Variants in EPHX2 observed in about 807,000 individuals in gnomAD.
The protein encoded by EPHX2 is bifunctional epoxide hydrolase 2.
Under a neutral mutation model 78.7 loss-of-function variants are expected in EPHX2, and 74 were observed. That is an observed-to-expected ratio of 0.94 (90% confidence interval 0.78 to 1.14). EPHX2 has a LOEUF of 1.14. Among genes scored for constraint, EPHX2 ranks in the 50% most tolerant of loss-of-function variants. EPHX2 has a pLI of 0.00. For synonymous variants in EPHX2, 251 were observed against 255.2 expected (o/e 0.98, Z 0.16); for missense variants, 715 against 702.5 (o/e 1.02, Z -0.20).
At chr8:27,537,035 G>A (rs1325902428) in intron 13 of EPHX2, among the ~76,000 whole-genome samples, 180 bp downstream of exon 13, 1 of 152,118 alleles carries the variant, frequency 6.6e-6, no homozygotes, top group African/African-American at 2.4e-5. Context: ...GACACACAAG[G>A]TCAGAGAATG....
chr8:27,521,022 G>A, intron 10 of EPHX2, 113 bp downstream of exon 10: 1 of 1,199,942 alleles, frequency 8.3e-7, no homozygotes, highest in Non-Finnish European at 1.2e-6. Context: ...GCCCATTTTG[G>A]GGCAGTTTAG....
intron 10 of EPHX2, among the ~76,000 whole-genome samples, chr8:27,521,799 GGTCAGTGTGGA>G (rs1814657026): frequency 6.6e-6 from 1 of 152,174 alleles, no homozygotes; most frequent in Non-Finnish European, 1.5e-5. Flanking sequence ...CTGCCAGTGG[GGTCAGTGTGGA>G]GCGAGGTGTG....
intron 8 of EPHX2, among the ~76,000 whole-genome samples, chr8:27,517,126 T>C (rs770034843): frequency 1.3e-5 from 2 of 152,094 alleles, no homozygotes; most frequent in Non-Finnish European, 1.5e-5. Flanking sequence ...GCTGGATACA[T>C]TTATCTTTCA....
rs1215684790 is a variant in EPHX2, at chr8:27,500,922, C to T, written c.102-4C>T. The T allele has an allele frequency of 1.2e-6, 2 of 1,612,140 alleles. No individual in the cohort carries two copies. The highest frequency in any genetic ancestry group is 1.7e-6 in the Non-Finnish European group (2 of 1,179,132). ...ATGTTCCTGATGTTCTTTGTGTTTT[C>T]CAGAGGACTTCTGAATGATGCTTTC... On this transcript the variant is annotated splice_polypyrimidine_tract_variant and splice_region_variant and intron_variant, in intron 1 of 18. Coordinates refer to ENST00000521400, the MANE Select transcript of EPHX2 (RefSeq NM_001979.6).
At position 27,510,165 on chromosome 8, in the gene EPHX2, A is replaced by T. The variant is rs183938384; in HGVS notation, c.661-1671A>T. 2.0e-5 allele frequency among the ~76,000 whole-genome samples: 3 copies of T among 152,312 alleles called. No individual in the cohort carries two copies. The East Asian group carries it at 5.8e-4, about 29-fold the overall frequency. ...TAGTTATAAAGGAGGTAGATTTCTT[A>T]GCTTACGTCCCCATTTTAGAGGTCA... On this transcript the variant is annotated intron_variant, in intron 5 of 18. Transcript: ENST00000521400.
chr8:27,540,099 C>T (rs1815347839), intron 14 of EPHX2, among the ~76,000 whole-genome samples: 1 of 152,302 alleles, frequency 6.6e-6, no homozygotes, highest in African/African-American at 2.4e-5. Context: ...GCCACCTGGC[C>T]TGGGTTCTCT....
At chr8:27,495,762 T>A (rs1387759238) in intron 1 of EPHX2, among the ~76,000 whole-genome samples, 7 of 152,254 alleles carry the variant, frequency 4.6e-5, no homozygotes, top group Admixed American at 3.9e-4. Flanking sequence ...TACTTAGGTA[T>A]GCCACTGGTT....
intron 1 of EPHX2, among the ~76,000 whole-genome samples, chr8:27,494,041 T>G (rs1003735309): frequency 6.6e-6 from 1 of 152,124 alleles, no homozygotes; most frequent in Non-Finnish European, 1.5e-5. Context: ...GGGAGTATGT[T>G]TGCCATTACA....
At chr8:27,507,638 C>T (rs1814064065) in intron 5 of EPHX2, among the ~76,000 whole-genome samples, 1 of 152,230 alleles carries the variant, frequency 6.6e-6, no homozygotes, top group African/African-American at 2.4e-5. Context: ...GAGGCTGCCA[C>T]ATGTCCAAGG....
rs1814616167 is a variant in EPHX2 at position 27,520,745 on chromosome 8, A to C, written c.946-138A>C. 5.0e-6 allele frequency: 5 copies of C among 998,228 alleles called. No individual in the cohort carries two copies. The South Asian group carries it at 6.7e-5, about 13-fold the overall frequency. 61.8% of individuals were successfully genotyped at this position (998,228 alleles called of 1,614,324 possible). On this transcript the variant is annotated intron_variant, in intron 9 of 18. Transcript: ENST00000521400. ...CATCTCCTTAAAGGCTGTATCTTCA[A>C]AAACAGTCCCATTCTGAGGCCCTGG...
chr8:27,511,938 T>C (rs1167404230), intron 6 of EPHX2, 28 bp downstream of exon 6: 4 of 1,610,470 alleles, frequency 2.5e-6, no homozygotes, highest in Admixed American at 1.7e-5. Flanking sequence ...CTCAGTCGGC[T>C]AAGTGCTCTC....
At chr8:27,544,099 A>G (rs1417132287) in intron 17 of EPHX2, 87 bp from the exon 18 acceptor site, 12 of 1,487,646 alleles carry the variant, frequency 8.1e-6, no homozygotes, top group Non-Finnish European at 1.1e-5. Context: ...GGGAGCAGAG[A>G]GAAGGCGTCC....
At chr8:27,541,634 G>T in intron 16 of EPHX2, 92 bp downstream of exon 16, 1 of 1,380,716 alleles carries the variant, frequency 7.2e-7, no homozygotes, top group Non-Finnish European at 1.0e-6. Flanking sequence ...CTGGGCCAGA[G>T]CTGGTTGTGG....
chr8:27,522,317 C>T lies in EPHX2; in HGVS notation c.973-106C>T, dbSNP rs567803136. 4.7e-5 allele frequency: 46 copies of T among 985,290 alleles called. 1 individual carries two copies. In the Middle Eastern group the frequency reaches 1.3e-3, roughly 27 times the overall value. The allele number at this position is 985,290 out of a possible 1,614,324, so 61.0% of individuals were successfully genotyped here. A position where few individuals can be genotyped will look rare whatever the true frequency, so the allele number is the denominator to read the frequency against. On this transcript the variant is annotated intron_variant, in intron 10 of 18. Coordinates refer to ENST00000521400, the MANE Select transcript of EPHX2 (RefSeq NM_001979.6). The stretch of plus-strand genomic sequence containing the variant: ...GGGCATTTGGAGAGCTGCTGTGGGT[C>T]GGGGGAGGAGACCCTGGTGTCGAGG...
intron 11 of EPHX2, among the ~76,000 whole-genome samples, chr8:27,525,107 T>TGTGTGTGTGTGTGC (rs1491544464): frequency 9.7e-6 from 1 of 103,456 alleles, no homozygotes; most frequent in African/African-American, 3.6e-5. Flanking sequence ...TGTGTGTGTG[T>TGTGTGTGTGTGTGC]GCGCGCGCGC....
chr8:27,501,404 CTTCT>C (rs1813797328), intron 2 of EPHX2, among the ~76,000 whole-genome samples: 1 of 119,472 alleles, frequency 8.4e-6, no homozygotes, highest in Admixed American at 8.7e-5. Context: ...TTTCTTCTTT[CTTCT>C]TTCTTCTTTT....
chr8:27,504,245 A>AC (rs72475810), intron 3 of EPHX2, among the ~76,000 whole-genome samples: 19,175 of 152,174 alleles, frequency 0.13, 1,396 homozygotes, highest in African/African-American at 0.21. Context: ...TCATAGGCAT[A>AC]TTGAAACTAT....
intron 14 of EPHX2, among the ~76,000 whole-genome samples, chr8:27,539,416 A>G (rs1815322421): frequency 6.6e-6 from 1 of 152,218 alleles, no homozygotes; most frequent in African/African-American, 2.4e-5. Context: ...TTTAATTTCC[A>G]AAGAGGAAAA....
At chr8:27,514,657 G>T (rs1168491708) in intron 6 of EPHX2, among the ~76,000 whole-genome samples, 1 of 152,150 alleles carries the variant, frequency 6.6e-6, no homozygotes, top group Non-Finnish European at 1.5e-5. Context: ...TCTCTCTGCT[G>T]CCTCCACCTT....
Sources: allele counts gnomAD v4.1 joint callset (sites outside exome capture counted in the v4.1 genomes callset), GRCh38; gene constraint gnomAD v4.1.1; transcripts MANE v1.5; gene names NCBI Gene and HGNC (gene_info 2026-07-23, HGNC 2026-07-21).